The following BCOR variants were observed in gnomAD, a reference collection of about 807,000 sequenced individuals.
The protein encoded by BCOR is BCL-6 corepressor.
In BCOR, 10 loss-of-function variants were observed where a neutral mutation model predicts 86.7. The observed-to-expected ratio is 0.12, with a 90% CI of 0.07 to 0.20. BCOR has a LOEUF of 0.20. BCOR is among the 10% of genes least tolerant of loss of function. The probability of loss-of-function intolerance (pLI) is 1.00; values close to 1 mark genes in which losing one functional copy is unlikely to be tolerated. For synonymous variants in BCOR, 611 were observed against 609.0 expected (o/e 1.00, Z -0.05); for missense variants, 1,259 against 1,452.1 (o/e 0.87, Z 2.16).
intron 1 of BCOR, among the ~76,000 whole-genome samples, chrX:40,174,758 G>A (rs1045929122): frequency 8.9e-6 from 1 of 112,808 alleles, no homozygotes; most frequent in Non-Finnish European, 1.9e-5. Flanking sequence ...TGGCTGCGCC[G>A]ATAGTGCTCA....
At chrX:40,150,028 G>A (rs1193915366) in intron 1 of BCOR, among the ~76,000 whole-genome samples, 1 of 112,514 alleles carries the variant, frequency 8.9e-6, no homozygotes, top group Non-Finnish European at 1.9e-5. Flanking sequence ...CTGCTCCAGA[G>A]CCAGAATCCA....
intron 1 of BCOR, among the ~76,000 whole-genome samples, chrX:40,091,743 A>T (rs1367442969): frequency 1.8e-5 from 2 of 112,126 alleles, no homozygotes; most frequent in East Asian, 5.7e-4. Flanking sequence ...GAGACCATTT[A>T]CTCCCGCCCC....
chrX:40,094,708 G>C (rs1393529741), intron 1 of BCOR, among the ~76,000 whole-genome samples: 1 of 112,757 alleles, frequency 8.9e-6, no homozygotes, highest in Non-Finnish European at 1.9e-5. Context: ...AGAGCGGGCT[G>C]CGCGGGCCTC....
intron 1 of BCOR, among the ~76,000 whole-genome samples, chrX:40,153,766 G>A (rs1469925290): frequency 8.9e-6 from 1 of 112,737 alleles, no homozygotes; most frequent in Non-Finnish European, 1.9e-5. Context: ...GCAGCCGCGG[G>A]GGTTAGGGGG....
In BCOR at chrX:40,070,948, A is replaced by G. The variant is rs189008735; in HGVS notation, c.3238+25T>C. 505 of 1,203,615 alleles carry G rather than the reference A, an allele frequency of 4.2e-4. 8 individuals are homozygous for G. The Admixed American group carries it at 0.011, about 25-fold the overall frequency. On this transcript the variant is annotated intron_variant, in intron 6 of 14. Transcript: ENST00000378444. ...TGCCAACCGGACCTGAGGCCAACAC[A>G]AGCAAACTGCTCAGGTTTACTTACA...
At chrX:40,102,232 C>G (rs191528518), upstream of BCOR, among the ~76,000 whole-genome samples, 1 of 112,997 alleles carries the variant, frequency 8.8e-6, no homozygotes, top group East Asian at 2.8e-4. Context: ...AAGGAAGGCC[C>G]TAAGGGCAGC....
Position 40,051,795 on chromosome X carries a change from G to T in BCOR, c.*314C>A. 1 of 218,313 alleles carries T rather than the reference G, an allele frequency of 4.6e-6. No homozygotes were observed. Among genetic ancestry groups the T allele is most frequent in the Non-Finnish European group, 8.2e-6 (1 of 121,620 alleles). The allele number at this position is 218,313 out of a possible 1,213,427, so 18.0% of individuals were successfully genotyped here. ...GTATGAAATTAAGTCAAAGTGTGGA[G>T]CTCCTTTTACTCATTTTTTTTTCTC... On this transcript the variant is annotated 3_prime_UTR_variant, in exon 15 of 15. Coordinates refer to ENST00000378444, the MANE Select transcript of BCOR (RefSeq NM_001123385.2).
chrX:40,104,418 T>C (rs1943869006), intron 1 of BCOR, among the ~76,000 whole-genome samples: 1 of 112,136 alleles, frequency 8.9e-6, no homozygotes, highest in Non-Finnish European at 1.9e-5. Flanking sequence ...AAATCCTTCT[T>C]TCCGCACAGG....
At chrX:40,172,892 C>G (rs1395187659) in intron 1 of BCOR, among the ~76,000 whole-genome samples, 1 of 112,705 alleles carries the variant, frequency 8.9e-6, no homozygotes, top group Non-Finnish European at 1.9e-5. Context: ...ATCGGCTGTC[C>G]CCAGTCCCCA....
chrX:40,052,338 A>T lies in BCOR; in HGVS notation c.5039T>A (p.Phe1680Tyr). The change falls in exon 15 of 15, where the codon TTT becomes TAT. Residue 1680 changes from phenylalanine (F) to tyrosine (Y), a missense_variant. By Grantham distance (22) the Phe-to-Tyr change is conservative. Coordinates refer to ENST00000378444, the MANE Select transcript of BCOR (RefSeq NM_001123385.2). ...LKKLKMSSRI[F>Y]RCNFPNVEIV... ...TTCCACGTTTGGAAAATTGCAGCGA[A>T]ATATGCGGGAGGACATTTTCAATTT... The T allele has an allele frequency of 8.3e-7, 1 of 1,211,875 alleles. No individual in the cohort carries two copies. The highest frequency in any genetic ancestry group is 1.1e-6 in the Non-Finnish European group (1 of 895,453).
rs115681005 is a variant in BCOR at position 40,055,630 on chromosome X, C to T, written c.4596-117G>A. The T allele has an allele frequency of 2.6e-3, 2,092 of 818,702 alleles. 35 individuals carry two copies. In the African/African-American group the frequency reaches 0.038, roughly 15 times the overall value. The allele number at this position is 818,702 out of a possible 1,213,427, so 67.5% of individuals were successfully genotyped here. A position where few individuals can be genotyped will look rare whatever the true frequency, so the allele number is the denominator to read the frequency against. The stretch of plus-strand genomic sequence containing the variant: ...GCACATGTGCACCTTGGGTACTGAG[C>T]CTCCTAAGCACAGTATTTCATCCAG... On this transcript the variant is annotated intron_variant, in intron 11 of 14. Transcript: ENST00000378444.
At chrX:40,071,347 TCA>T (rs942692862) in intron 5 of BCOR, among the ~76,000 whole-genome samples, 188 bp from the exon 6 acceptor site, 1 of 112,362 alleles carries the variant, frequency 8.9e-6, no homozygotes, top group African/African-American at 3.2e-5. Context: ...ATATAAGTAG[TCA>T]CACATTCTTT....
intron 3 of BCOR, among the ~76,000 whole-genome samples, chrX:40,075,611 T>G (rs1218345551): frequency 9.1e-6 from 1 of 110,098 alleles, no homozygotes; most frequent in African/African-American, 3.3e-5. Flanking sequence ...ACAAAAAAAT[T>G]AGCCAGGTGT....
At chrX:40,077,058 T>A in intron 2 of BCOR, 1 of 253,647 alleles carries the variant, frequency 3.9e-6, no homozygotes, top group Non-Finnish European at 7.4e-6. Flanking sequence ...TCCATGGTGA[T>A]AAAAAAGCCA....
intron 1 of BCOR, among the ~76,000 whole-genome samples, chrX:40,103,985 C>A (rs761641318): frequency 1.7e-4 from 19 of 111,316 alleles, no homozygotes; most frequent in Non-Finnish European, 2.6e-4. Context: ...CATTTAAAAC[C>A]CACCTCCCCT....
chrX:40,174,985 C>T, intron 1 of BCOR, among the ~76,000 whole-genome samples: 1 of 113,388 alleles, frequency 8.8e-6, no homozygotes, highest in East Asian at 2.8e-4. Context: ...TCTGAGAATC[C>T]ACGTTTTCTA....
intron 1 of BCOR, among the ~76,000 whole-genome samples, chrX:40,139,497 A>ATATATATATATT (rs1239084755): frequency 7.0e-4 from 4 of 5,709 alleles, no homozygotes; most frequent in Non-Finnish European, 9.4e-4. Context: ...ATATATATAT[A>ATATATATATATT]TTTTTTTTTT....
At position 40,057,777 on chromosome X, in the gene BCOR, C is replaced by T. The variant is rs749551260; in HGVS notation, c.4429-456G>A. On this transcript the variant is annotated intron_variant, in intron 10 of 14. Transcript: ENST00000378444. ...TCATCCAATAGGTAGTAGTGGATGA[C>T]GACACAAGTTTAGATAAAAGCAAGG... Among the ~76,000 whole-genome samples the T allele has an allele frequency of 6.2e-5, 7 of 112,082 alleles. No individual in the cohort carries two copies. In the South Asian group the frequency reaches 2.2e-3, roughly 36 times the overall value.
At chrX:40,113,860 C>G (rs901082081) in intron 1 of BCOR, among the ~76,000 whole-genome samples, 1 of 109,226 alleles carries the variant, frequency 9.2e-6, no homozygotes, top group Admixed American at 9.8e-5. Context: ...ACTCTGTTAC[C>G]CAGGCTGGAA....
Sources: gnomAD v4.1 joint callset for allele counts (sites outside exome capture counted in the v4.1 genomes callset) on GRCh38, gnomAD v4.1.1 for gene constraint, MANE v1.5 for transcripts, NCBI Gene and HGNC (gene_info 2026-07-23, HGNC 2026-07-21) for gene names.